Variants in RECK observed in about 807,000 individuals in gnomAD.
The protein encoded by RECK is reversion-inducing cysteine-rich protein with Kazal motifs.
A neutral mutation model predicts 115.1 loss-of-function variants in RECK; 69 were observed. The ratio of observed to expected loss-of-function variants is 0.60; its 90% CI spans 0.49 to 0.73. The LOEUF (loss-of-function observed/expected upper bound fraction) is 0.73, where lower values mean the gene tolerates loss of function less well. RECK is among the 30% of genes least tolerant of loss of function. RECK has a pLI of 0.00. For missense variants in RECK, 1,047 were observed against 1,203.7 expected, an observed-to-expected ratio of 0.87 and a Z score of 1.93; for synonymous variants, 414 against 419.7, an observed-to-expected ratio of 0.99 and a Z score of 0.17.
intron 6 of RECK, among the ~76,000 whole-genome samples, chr9:36,071,175 A>G (rs1230377400): frequency 6.6e-6 from 1 of 152,224 alleles, no homozygotes; most frequent in East Asian, 1.9e-4. Flanking sequence ...GGTGTGAAAT[A>G]CAGTGTAGAT....
At chr9:36,107,663 G>T (rs1823878147) in intron 13 of RECK, among the ~76,000 whole-genome samples, 1 of 150,716 alleles carries the variant, frequency 6.6e-6, no homozygotes, top group African/African-American at 2.4e-5. Flanking sequence ...AAATATCTGT[G>T]ATTTTAAAAT....
At chr9:36,042,900 G>C (rs1820922692) in intron 1 of RECK, among the ~76,000 whole-genome samples, 1 of 150,236 alleles carries the variant, frequency 6.7e-6, no homozygotes, top group Non-Finnish European at 1.5e-5. Context: ...TTGCATTGTG[G>C]TTTTGATTTG....
At chr9:36,112,663 A>G (rs924103415) in intron 16 of RECK, among the ~76,000 whole-genome samples, 187 bp downstream of exon 16, 24 of 152,222 alleles carry the variant, frequency 1.6e-4, no homozygotes, top group African/African-American at 5.8e-4. Flanking sequence ...GGAGCCCAGA[A>G]GTAGGGCAGT....
Position 36,091,153 on chromosome 9 carries a change from T to A in RECK, c.906-11T>A. On this transcript the variant is annotated splice_polypyrimidine_tract_variant and intron_variant, in intron 9 of 20. Coordinates refer to ENST00000377966, the MANE Select transcript of RECK (RefSeq NM_021111.3). ...CTCATGTCGGCTTCTGCATTTGTGCTCTTGTTTCAGGGAACTCTGCACTAA... is the reference window on the plus strand; with the variant it reads ...CTCATGTCGGCTTCTGCATTTGTGCACTTGTTTCAGGGAACTCTGCACTAA... The A allele has an allele frequency of 6.2e-7, 1 of 1,613,478 alleles. No homozygotes were observed. The highest frequency in any genetic ancestry group is 8.5e-7 in the Non-Finnish European group (1 of 1,179,692).
At chr9:36,098,290 T>A (rs1202178285) in intron 10 of RECK, among the ~76,000 whole-genome samples, 1 of 152,206 alleles carries the variant, frequency 6.6e-6, no homozygotes, top group Non-Finnish European at 1.5e-5. Context: ...CCATTCCACA[T>A]GTGTCATGTT....
chr9:36,101,156 T>C (rs1823553132), intron 11 of RECK, among the ~76,000 whole-genome samples: 1 of 152,168 alleles, frequency 6.6e-6, no homozygotes, highest in African/African-American at 2.4e-5. Context: ...TTTTACCATG[T>C]TGGCCAGGAT....
intron 13 of RECK, 112 bp from the exon 14 acceptor site, chr9:36,107,864 A>G (rs1307940046): frequency 8.4e-6 from 6 of 714,902 alleles, no homozygotes; most frequent in African/African-American, 1.8e-5. Context: ...CTATTACATA[A>G]TCTTTAATAG....
chr9:36,050,281 CTT>C (rs1262210809), intron 1 of RECK, among the ~76,000 whole-genome samples: 1 of 152,182 alleles, frequency 6.6e-6, no homozygotes, highest in Non-Finnish European at 1.5e-5. Flanking sequence ...CTCCCTTAGT[CTT>C]TTCCATTTCA....
chr9:36,090,741 C>G (rs1294751343), intron 9 of RECK, among the ~76,000 whole-genome samples: 3 of 152,100 alleles, frequency 2.0e-5, no homozygotes, highest in Admixed American at 2.0e-4. Context: ...TAAAAGAAGT[C>G]AGAGGACCAT....
intron 9 of RECK, among the ~76,000 whole-genome samples, chr9:36,088,737 G>A (rs1823054202): frequency 6.6e-6 from 1 of 152,234 alleles, no homozygotes; most frequent in South Asian, 2.1e-4. Context: ...AAGACATGAA[G>A]GTCGGGCGCG....
In RECK at chr9:36,098,208, A is replaced by AT. The variant is rs369743718; in HGVS notation, c.1086-2122dup. ...TACTTGAAAGTTGCCAAGAGAGTAG[A>AT]TGTTAAATGTTCTTACCACAAAAAA... On this transcript the variant is annotated intron_variant, in intron 10 of 20. Transcript: ENST00000377966. Among the ~76,000 whole-genome samples the AT allele has an allele frequency of 5.6e-3, 850 of 152,350 alleles. 9 individuals carry two copies. The highest frequency in any genetic ancestry group is 0.019 in the African/African-American group (808 of 41,574).
At chr9:36,097,601 T>C (rs1588324551) in intron 10 of RECK, among the ~76,000 whole-genome samples, 1 of 152,190 alleles carries the variant, frequency 6.6e-6, no homozygotes, top group African/African-American at 2.4e-5. Flanking sequence ...AGTACAGCCA[T>C]TATGGGAAAC....
chr9:36,078,109 C>G (rs1015414791), intron 6 of RECK, among the ~76,000 whole-genome samples: 1 of 152,224 alleles, frequency 6.6e-6, no homozygotes, highest in Non-Finnish European at 1.5e-5. Context: ...TGTCTGTCTT[C>G]CAATAAAAAC....
intron 6 of RECK, among the ~76,000 whole-genome samples, chr9:36,077,142 G>A (rs1436142382): frequency 1.3e-5 from 2 of 152,184 alleles, no homozygotes; most frequent in African/African-American, 2.4e-5. Flanking sequence ...ATGAGTAGGG[G>A]AGGGAGAGGG....
At chr9:36,120,589 G>A in intron 18 of RECK, 74 bp from the exon 19 acceptor site, 2 of 1,228,654 alleles carry the variant, frequency 1.6e-6, no homozygotes, top group South Asian at 1.2e-5. Context: ...TGAAGGGCTG[G>A]ACATTTCACT....
intron 6 of RECK, among the ~76,000 whole-genome samples, chr9:36,073,046 CTTT>C (rs60660015): frequency 2.7e-5 from 4 of 146,286 alleles, no homozygotes; most frequent in African/African-American, 1.0e-4. Flanking sequence ...CATTGCTAAC[CTTT>C]TTTTTTTTGA....
intron 1 of RECK, among the ~76,000 whole-genome samples, chr9:36,044,947 G>T (rs763281866): frequency 7.2e-5 from 11 of 152,150 alleles, no homozygotes; most frequent in Non-Finnish European, 1.3e-4. Context: ...GTCATGAAAG[G>T]TCTGTTAAAA....
intron 10 of RECK, among the ~76,000 whole-genome samples, chr9:36,098,668 C>T (rs576044973): frequency 7.2e-5 from 11 of 152,018 alleles, no homozygotes; most frequent in Non-Finnish European, 4.4e-5. Flanking sequence ...TACCCTTATT[C>T]GTAATAGCCC....
intron 2 of RECK, among the ~76,000 whole-genome samples, chr9:36,057,274 A>G (rs1162510744): frequency 6.6e-6 from 1 of 151,992 alleles, no homozygotes; most frequent in Non-Finnish European, 1.5e-5. Flanking sequence ...TCTATTTTTC[A>G]TTGTTACCAG....
Sources: allele counts gnomAD v4.1 joint callset (sites outside exome capture counted in the v4.1 genomes callset), GRCh38; gene constraint gnomAD v4.1.1; transcripts MANE v1.5; gene names NCBI Gene and HGNC (gene_info 2026-07-23, HGNC 2026-07-21).